Variants in SLC41A2 observed in about 807,000 individuals in gnomAD.
SLC41A2 encodes solute carrier family 41 member 2.
A neutral mutation model predicts 58.3 loss-of-function variants in SLC41A2; 32 were observed. The observed-to-expected ratio is 0.55, with a 90% confidence interval of 0.41 to 0.74. The LOEUF (loss-of-function observed/expected upper bound fraction) is 0.74. SLC41A2 is among the 30% of genes least tolerant of loss of function. The pLI, the probability that SLC41A2 is intolerant of heterozygous loss-of-function variation, is 0.00. For missense variants in SLC41A2, 514 were observed against 680.6 expected (o/e 0.76, Z 2.72); for synonymous variants, 190 against 235.0 (o/e 0.81, Z 1.75).
At chr12:104,907,904 C>T (rs1030784504) in intron 3 of SLC41A2, among the ~76,000 whole-genome samples, 1 of 152,196 alleles carries the variant, frequency 6.6e-6, no homozygotes, top group Non-Finnish European at 1.5e-5. Flanking sequence ...GCTATATGAC[C>T]TTTTATATAC....
intron 1 of SLC41A2, among the ~76,000 whole-genome samples, chr12:104,947,161 C>T (rs78101914): frequency 0.031 from 4,597 of 146,818 alleles, 126 homozygotes; most frequent in East Asian, 0.089. Flanking sequence ...ATGTTGTACG[C>T]TGCTGTACTG....
chr12:104,934,829 C>T (rs1363513848), intron 1 of SLC41A2, among the ~76,000 whole-genome samples: 1 of 152,092 alleles, frequency 6.6e-6, no homozygotes, highest in Admixed American at 6.6e-5. Context: ...AAGTTGATCT[C>T]TTAGAAACAG....
intron 2 of SLC41A2, among the ~76,000 whole-genome samples, chr12:104,914,136 C>T (rs947665411): frequency 8.5e-5 from 13 of 152,178 alleles, no homozygotes; most frequent in African/African-American, 3.1e-4. Flanking sequence ...GTTCACGGCA[C>T]GCTTAGTATC....
At chr12:104,833,896 C>T (rs1420843320) in intron 10 of SLC41A2, 6 of 438,796 alleles carry the variant, frequency 1.4e-5, no homozygotes, top group Non-Finnish European at 1.8e-5. Context: ...TGTGGTTTCA[C>T]TCAGTTATAA....
At chr12:104,886,169 T>TGATTAGGA in intron 6 of SLC41A2, 124 bp downstream of exon 6, 1 of 953,476 alleles carries the variant, frequency 1.0e-6, no homozygotes, top group Non-Finnish European at 1.5e-6. Context: ...ATAGTTATCC[T>TGATTAGGA]AATCAGTCTC....
At chr12:104,922,296 C>T (rs557529192) in intron 2 of SLC41A2, among the ~76,000 whole-genome samples, 12 of 152,168 alleles carry the variant, frequency 7.9e-5, no homozygotes, top group African/African-American at 2.6e-4. Context: ...TAAAGACACA[C>T]CTAGACTGGA....
chr12:104,845,738 T>G, intron 9 of SLC41A2, 105 bp downstream of exon 9: 1 of 1,232,742 alleles, frequency 8.1e-7, no homozygotes, highest in Non-Finnish European at 1.1e-6. Flanking sequence ...AATCGGAAAG[T>G]TGAGCAACTT....
intron 3 of SLC41A2, among the ~76,000 whole-genome samples, chr12:104,908,582 G>A (rs1173555254): frequency 1.3e-5 from 2 of 152,178 alleles, no homozygotes; most frequent in Non-Finnish European, 2.9e-5. Flanking sequence ...ATATCATCTG[G>A]TGACTTAGTT....
chr12:104,866,335 G>A, intron 7 of SLC41A2, 97 bp downstream of exon 7: 5 of 1,323,020 alleles, frequency 3.8e-6, no homozygotes, highest in Non-Finnish European at 4.8e-6. Flanking sequence ...ATTTTAATAT[G>A]CATGTACATA....
At chr12:104,849,051 G>A (rs1250099144) in intron 8 of SLC41A2, among the ~76,000 whole-genome samples, 1 of 152,082 alleles carries the variant, frequency 6.6e-6, no homozygotes, top group African/African-American at 2.4e-5. Context: ...CTCATATCAT[G>A]CACAAAAATA....
chr12:104,882,065 T>C (rs2044399640), intron 6 of SLC41A2, among the ~76,000 whole-genome samples: 1 of 152,220 alleles, frequency 6.6e-6, no homozygotes, highest in Admixed American at 6.5e-5. Context: ...TTTACCATTA[T>C]GTAATGGCTT....
intron 3 of SLC41A2, among the ~76,000 whole-genome samples, chr12:104,909,441 A>G (rs1220770055): frequency 1.3e-5 from 2 of 152,206 alleles, no homozygotes; most frequent in Non-Finnish European, 2.9e-5. Context: ...TCCTGGCATC[A>G]AAGGAGGCAA....
intron 2 of SLC41A2, among the ~76,000 whole-genome samples, chr12:104,918,416 A>G (rs191023078): frequency 6.6e-6 from 1 of 152,286 alleles, no homozygotes; most frequent in Admixed American, 6.5e-5. Context: ...GTAACTCGGC[A>G]GATTAATTAT....
chr12:104,875,936 TGGGA>T (rs1468765142), intron 6 of SLC41A2, among the ~76,000 whole-genome samples: 2 of 152,222 alleles, frequency 1.3e-5, no homozygotes, highest in Non-Finnish European at 2.9e-5. Context: ...TTTTCTTTGT[TGGGA>T]GGATTTTAAT....
intron 1 of SLC41A2, among the ~76,000 whole-genome samples, chr12:104,935,111 C>G (rs553944595): frequency 2.0e-5 from 3 of 152,252 alleles, no homozygotes; most frequent in African/African-American, 7.2e-5. Context: ...GGGCATGCCA[C>G]CACGCCCGGC....
intron 2 of SLC41A2, among the ~76,000 whole-genome samples, chr12:104,914,545 A>G (rs1444480217): frequency 2.0e-5 from 3 of 152,248 alleles, no homozygotes; most frequent in Non-Finnish European, 4.4e-5. Context: ...ACCTTGAGCT[A>G]GTAGTCTACA....
At chr12:104,854,788 C>T (rs2042962646) in intron 8 of SLC41A2, among the ~76,000 whole-genome samples, 1 of 152,146 alleles carries the variant, frequency 6.6e-6, no homozygotes, top group Non-Finnish European at 1.5e-5. Context: ...TTAGAAAACA[C>T]TGCCCTAGAG....
chr12:104,829,004 C>G (rs954876033), intron 10 of SLC41A2, among the ~76,000 whole-genome samples: 1 of 152,144 alleles, frequency 6.6e-6, no homozygotes, highest in African/African-American at 2.4e-5. Flanking sequence ...CCTGACAATA[C>G]TAGGTGATAG....
chr12:104,942,344 A>G (rs2047543709), intron 1 of SLC41A2, among the ~76,000 whole-genome samples: 1 of 151,930 alleles, frequency 6.6e-6, no homozygotes, highest in South Asian at 2.1e-4. Context: ...CAGGCATGGT[A>G]TCTCATGCCT....
Sources: allele counts gnomAD v4.1 joint callset (sites outside exome capture counted in the v4.1 genomes callset), GRCh38; gene constraint gnomAD v4.1.1; transcripts MANE v1.5; gene names NCBI Gene and HGNC (gene_info 2026-07-23, HGNC 2026-07-21).